DOCK4: variants seen among roughly 807,000 people sequenced by gnomAD.
DOCK4 encodes dedicator of cytokinesis 4, also known as dedicator of cytokinesis protein 4.
DOCK4 carries 97 observed loss-of-function variants against 268.1 expected under a neutral mutation model. That is an observed-to-expected ratio of 0.36 (90% confidence interval 0.31 to 0.43). DOCK4 has a LOEUF of 0.43. DOCK4 is among the 20% of genes least tolerant of loss of function. DOCK4 has a pLI of 1.00. For synonymous variants in DOCK4, 954 were observed against 887.2 expected (o/e 1.08, Z -1.34); for missense variants, 2,145 against 2,455.7 (o/e 0.87, Z 2.67).
intron 1 of DOCK4, among the ~76,000 whole-genome samples, chr7:112,074,264 T>C (rs1316762668): frequency 1.3e-5 from 2 of 152,182 alleles, no homozygotes; most frequent in African/African-American, 4.8e-5. Context: ...TGCAGCAACA[T>C]GAGCAAATAT....
intron 1 of DOCK4, among the ~76,000 whole-genome samples, chr7:112,128,275 C>T (rs748769046): frequency 6.6e-6 from 1 of 151,720 alleles, no homozygotes; most frequent in African/African-American, 2.4e-5. Context: ...GGCCAGCCGC[C>T]CCGTCCGGGA....
intron 8 of DOCK4, chr7:111,953,553 T>C (rs1218770963): frequency 1.3e-5 from 2 of 152,256 alleles, no homozygotes; most frequent in Non-Finnish European, 2.9e-5. Flanking sequence ...ATATACTTCT[T>C]TGGCATAAGA....
At chr7:112,151,763 GAA>G (rs35436343) in intron 1 of DOCK4, among the ~76,000 whole-genome samples, 1 of 139,464 alleles carries the variant, frequency 7.2e-6, no homozygotes, top group Non-Finnish European at 1.5e-5. Flanking sequence ...TAGAGATGTG[GAA>G]AAAAAAAAAA....
rs866524190 is a variant in DOCK4, at chr7:112,058,742, A to C, written c.38-54611T>G. Among the ~76,000 whole-genome samples the C allele has an allele frequency of 1.3e-4, 20 of 152,326 alleles. 2 individuals carry two copies. Among genetic ancestry groups the C allele is most frequent in the African/African-American group, 4.3e-4 (18 of 41,576 alleles). ...CTAGACAGAAGAAAGGGAGAGAGAA[A>C]GAAAAAGGAAAAAGAATCTGGGAGT... On this transcript the variant is annotated intron_variant, in intron 1 of 52. Transcript: ENST00000428084.
At chr7:112,101,877 C>T (rs922687624) in intron 1 of DOCK4, among the ~76,000 whole-genome samples, 6 of 149,138 alleles carry the variant, frequency 4.0e-5, no homozygotes, top group African/African-American at 1.5e-4. Flanking sequence ...GAGTCTTGCT[C>T]TGTTGCCCAG....
intron 1 of DOCK4, among the ~76,000 whole-genome samples, chr7:112,015,295 G>A (rs1801721938): frequency 6.6e-6 from 1 of 152,188 alleles, no homozygotes; most frequent in African/African-American, 2.4e-5. Flanking sequence ...TACCCTACAT[G>A]GTCTAAAGGG....
intron 5 of DOCK4, among the ~76,000 whole-genome samples, chr7:111,990,896 T>C (rs1171240750): frequency 6.6e-6 from 1 of 152,176 alleles, no homozygotes; most frequent in Non-Finnish European, 1.5e-5. Flanking sequence ...GATTTACACA[T>C]GTTAATTTTT....
intron 41 of DOCK4, among the ~76,000 whole-genome samples, chr7:111,757,638 A>G (rs1289895249): frequency 6.6e-6 from 1 of 152,042 alleles, no homozygotes; most frequent in Admixed American, 6.6e-5. Context: ...TCTTTATTCA[A>G]TCCTGTCATA....
At position 111,930,469 on chromosome 7, in the gene DOCK4, T is replaced by C. The variant is rs113929630; in HGVS notation, c.1066+5071A>G. Among the ~76,000 whole-genome samples, 675 of 152,294 alleles carry C rather than the reference T, an allele frequency of 4.4e-3. 9 individuals carry two copies. The highest frequency in any genetic ancestry group is 0.015 in the African/African-American group (624 of 41,560). ...GGTAGAATTTGTTTCCGAAACCAATTTCAAAGTTGCGTTTTTTTCTCTTTT... is the reference window on the plus strand; with the variant it reads ...GGTAGAATTTGTTTCCGAAACCAATCTCAAAGTTGCGTTTTTTTCTCTTTT... On this transcript the variant is annotated intron_variant, in intron 12 of 52. Transcript: ENST00000428084.
intron 1 of DOCK4, among the ~76,000 whole-genome samples, chr7:112,171,082 T>C (rs563674931): frequency 1.3e-5 from 2 of 152,332 alleles, no homozygotes; most frequent in South Asian, 4.1e-4. Flanking sequence ...GTATTTCCAA[T>C]TCTAAATGTT....
At chr7:112,157,427 A>G (rs534871947) in intron 1 of DOCK4, among the ~76,000 whole-genome samples, 1 of 152,334 alleles carries the variant, frequency 6.6e-6, no homozygotes, top group Non-Finnish European at 1.5e-5. Flanking sequence ...TTTAAGGGTT[A>G]AAAGAAAGCA....
chr7:112,183,058 C>T (rs1819194715), intron 1 of DOCK4, among the ~76,000 whole-genome samples: 1 of 152,210 alleles, frequency 6.6e-6, no homozygotes, highest in African/African-American at 2.4e-5. Context: ...AGGTCATAAA[C>T]ATGTAGGCCT....
chr7:112,025,163 C>T (rs1802663972), intron 1 of DOCK4, among the ~76,000 whole-genome samples: 1 of 152,146 alleles, frequency 6.6e-6, no homozygotes, highest in African/African-American at 2.4e-5. Flanking sequence ...ATTCACTCAG[C>T]ATCTACCATA....
intron 1 of DOCK4, among the ~76,000 whole-genome samples, chr7:112,016,231 CTT>C (rs1172045666): frequency 6.6e-6 from 1 of 152,162 alleles, no homozygotes; most frequent in Admixed American, 6.6e-5. Flanking sequence ...TCTTTCATGA[CTT>C]TGGCTACTTT....
At chr7:111,961,543 G>T (rs895492017) in intron 8 of DOCK4, among the ~76,000 whole-genome samples, 1 of 152,182 alleles carries the variant, frequency 6.6e-6, no homozygotes, top group Non-Finnish European at 1.5e-5. Flanking sequence ...CAGGAAGGTG[G>T]CACTGATTTT....
At chr7:111,835,082 TATA>T (rs1803132964) in intron 25 of DOCK4, among the ~76,000 whole-genome samples, 1 of 152,308 alleles carries the variant, frequency 6.6e-6, no homozygotes, top group African/African-American at 2.4e-5. Context: ...AGGTAGGGGG[TATA>T]ATACCTTTTT....
intron 1 of DOCK4, among the ~76,000 whole-genome samples, chr7:112,136,039 T>A (rs962902495): frequency 2.0e-5 from 3 of 152,084 alleles, no homozygotes; most frequent in Non-Finnish European, 2.9e-5. Flanking sequence ...ACCAGTGCCA[T>A]GGGTTGAAAG....
chr7:112,124,527 T>G (rs1276807725), intron 1 of DOCK4, among the ~76,000 whole-genome samples: 1 of 152,208 alleles, frequency 6.6e-6, no homozygotes, highest in Non-Finnish European at 1.5e-5. Flanking sequence ...CTTTTTCTCC[T>G]TCCTCCAGTG....
At chr7:111,839,844 A>G (rs1425632246) in intron 25 of DOCK4, among the ~76,000 whole-genome samples, 1 of 151,966 alleles carries the variant, frequency 6.6e-6, no homozygotes, top group African/African-American at 2.4e-5. Flanking sequence ...TTTTATTTCC[A>G]TAGGTTTTTG....
Sources: allele counts gnomAD v4.1 joint callset (sites outside exome capture counted in the v4.1 genomes callset), GRCh38; gene constraint gnomAD v4.1.1; transcripts MANE v1.5; gene names NCBI Gene and HGNC (gene_info 2026-07-23, HGNC 2026-07-21).